TSHZ2: variants seen among roughly 807,000 people sequenced by gnomAD.
TSHZ2 encodes teashirt zinc finger homeobox 2.
Under a neutral mutation model 74.4 loss-of-function variants are expected in TSHZ2, and 21 were observed. The ratio of observed to expected loss-of-function variants is 0.28; its 90% CI spans 0.20 to 0.41. TSHZ2 has a LOEUF of 0.41. Ranked by LOEUF, TSHZ2 falls within the 10% of genes least tolerant of loss-of-function variation. The pLI, the probability that TSHZ2 is intolerant of heterozygous loss-of-function variation, is 1.00. For synonymous variants in TSHZ2, 540 were observed against 515.3 expected, an observed-to-expected ratio of 1.05 and a Z score of -0.65; for missense variants, 1,244 against 1,293.5, an observed-to-expected ratio of 0.96 and a Z score of 0.59.
chr20:53,097,502 C>T (rs914219187), intron 1 of TSHZ2: 2 of 152,144 alleles, frequency 1.3e-5, no homozygotes, highest in Admixed American at 6.5e-5. Context: ...GTTCTATTTC[C>T]AGTTTCAATC....
At position 53,255,914 on chromosome 20, in the gene TSHZ2, T is replaced by C. The variant is rs772771666; in HGVS notation, c.2456T>C (p.Met819Thr). The C allele has an allele frequency of 3.1e-6, 5 of 1,613,980 alleles. No individual in the cohort carries two copies. Among genetic ancestry groups the C allele is most frequent in the Non-Finnish European group, 4.2e-6 (5 of 1,180,012 alleles). The change falls in exon 2 of 3, where the codon ATG (methionine) becomes ACG (threonine). Residue 819 changes from methionine to threonine, a missense_variant. This residue lies in a region of TSHZ2 where 562 missense variants were observed against 544.0 expected (regional missense o/e 1.03). Coordinates refer to ENST00000371497, the MANE Select transcript of TSHZ2 (RefSeq NM_173485.6). The surrounding 1 kb of genome is among the most constrained non-coding windows in gnomAD (Gnocchi z 4.1). The stretch of plus-strand genomic sequence containing the variant: ...GCCTCCTCCTCCAGGGTCCCCCCCA[T>C]GAAGCTGGAAATGGATGTCAGGCGC... ...KPASSSRVPP[M>T]KLEMDVRRFE...
chr20:53,262,435 A>G (rs1021740041), intron 2 of TSHZ2, among the ~76,000 whole-genome samples: 2 of 152,208 alleles, frequency 1.3e-5, no homozygotes, highest in African/African-American at 4.8e-5. Flanking sequence ...GCATTCAGCT[A>G]TAATTTCTCC....
intron 1 of TSHZ2, among the ~76,000 whole-genome samples, chr20:53,122,549 C>T (rs1480443463): frequency 6.6e-6 from 1 of 152,116 alleles, no homozygotes; most frequent in Non-Finnish European, 1.5e-5. Flanking sequence ...AGCCAGGGAT[C>T]TAGAAAGTAC....
intron 1 of TSHZ2, among the ~76,000 whole-genome samples, chr20:53,213,381 C>T (rs1332957549): frequency 6.6e-6 from 1 of 152,192 alleles, no homozygotes; most frequent in Non-Finnish European, 1.5e-5. Flanking sequence ...CCTTCTGCTG[C>T]TGCACCTGGA....
rs527295754 is a variant in TSHZ2 at position 53,199,227 on chromosome 20, G to A, written c.41-54272G>A. Among the ~76,000 whole-genome samples, 3 of 152,356 alleles carry A rather than the reference G, an allele frequency of 2.0e-5. No homozygotes were observed. The South Asian group carries it at 6.2e-4, about 32-fold the overall frequency. ...AAATCAAGACATGTGGCTGGGAGCAGTGGCTTGTTCCTGTAATCCCAGCAC... is the reference window on the plus strand; with the variant it reads ...AAATCAAGACATGTGGCTGGGAGCAATGGCTTGTTCCTGTAATCCCAGCAC... On this transcript the variant is annotated intron_variant, in intron 1 of 2. Coordinates refer to ENST00000371497, the MANE Select transcript of TSHZ2 (RefSeq NM_173485.6).
chr20:53,019,030 T>C (rs980987139), intron 1 of TSHZ2, among the ~76,000 whole-genome samples: 1 of 152,222 alleles, frequency 6.6e-6, no homozygotes, highest in African/African-American at 2.4e-5. Context: ...TCAAGCTTTC[T>C]ACAAATCTAA....
intron 1 of TSHZ2, among the ~76,000 whole-genome samples, chr20:53,015,345 C>A (rs1185608943): frequency 2.0e-5 from 3 of 152,150 alleles, no homozygotes; most frequent in Non-Finnish European, 4.4e-5. Context: ...CCATTTGCAT[C>A]CCAGAGGACA....
At chr20:53,358,517 T>G (rs989996510) in intron 2 of TSHZ2, among the ~76,000 whole-genome samples, 1 of 151,278 alleles carries the variant, frequency 6.6e-6, no homozygotes, top group African/African-American at 2.4e-5. Flanking sequence ...CTTTTTTTTG[T>G]TTTTTTTAGT....
At chr20:53,473,912 G>A (rs112185366) in intron 2 of TSHZ2, among the ~76,000 whole-genome samples, 10,583 of 152,144 alleles carry the variant, frequency 0.07, 415 homozygotes, top group East Asian at 0.17. Flanking sequence ...TATCAGCGAT[G>A]GAAGATGAAA....
At chr20:53,408,246 G>C (rs117808984) in intron 2 of TSHZ2, among the ~76,000 whole-genome samples, 5 of 152,112 alleles carry the variant, frequency 3.3e-5, no homozygotes, top group African/African-American at 4.8e-5. Context: ...TTTGAGGAAG[G>C]GTCCTCCTTC....
chr20:53,124,272 C>G (rs974337627), intron 1 of TSHZ2, among the ~76,000 whole-genome samples: 1 of 152,338 alleles, frequency 6.6e-6, no homozygotes, highest in Non-Finnish European at 1.5e-5. Flanking sequence ...TTTGAACCCC[C>G]CTGCATGTCT....
At chr20:53,335,380 C>G (rs1979904277) in intron 2 of TSHZ2, among the ~76,000 whole-genome samples, 1 of 152,162 alleles carries the variant, frequency 6.6e-6, no homozygotes. Flanking sequence ...TAGGGAAAGG[C>G]TAAATAGACT....
intron 1 of TSHZ2, among the ~76,000 whole-genome samples, chr20:53,245,849 T>C (rs1046935975): frequency 3.3e-5 from 5 of 152,124 alleles, no homozygotes; most frequent in Non-Finnish European, 7.4e-5. Flanking sequence ...AAAGAGCTGA[T>C]AGGAGAGAGA....
chr20:53,322,958 T>G (rs918430616), intron 2 of TSHZ2, among the ~76,000 whole-genome samples: 1 of 152,180 alleles, frequency 6.6e-6, no homozygotes, highest in Non-Finnish European at 1.5e-5. Context: ...TTAGCAGATT[T>G]GCCTCCAGGG....
chr20:53,372,499 GGAAGGAAGGAAA>G (rs1427528135), intron 2 of TSHZ2, among the ~76,000 whole-genome samples: 1 of 151,594 alleles, frequency 6.6e-6, no homozygotes, highest in Admixed American at 6.6e-5. Flanking sequence ...AAGGAAGAAA[GGAAGGAAGGAAA>G]GAAGGAAGGA....
intron 1 of TSHZ2, among the ~76,000 whole-genome samples, chr20:53,072,332 A>G (rs1270288914): frequency 6.6e-6 from 1 of 152,228 alleles, no homozygotes; most frequent in Non-Finnish European, 1.5e-5. Flanking sequence ...GAGTATCTTC[A>G]GGGTATACCA....
intron 2 of TSHZ2, among the ~76,000 whole-genome samples, chr20:53,340,375 G>A (rs1360709724): frequency 1.3e-5 from 2 of 151,752 alleles, no homozygotes; most frequent in Non-Finnish European, 2.9e-5. Flanking sequence ...TAGTAGAGAC[G>A]GGGTTTCACC....
At chr20:53,286,211 G>A (rs757378076) in intron 2 of TSHZ2, among the ~76,000 whole-genome samples, 2 of 152,166 alleles carry the variant, frequency 1.3e-5, no homozygotes, top group South Asian at 2.1e-4. Flanking sequence ...GTTCCTAAGC[G>A]GAGTGAGCGG....
intron 1 of TSHZ2, among the ~76,000 whole-genome samples, chr20:53,099,608 C>T (rs1986157455): frequency 6.6e-6 from 1 of 152,194 alleles, no homozygotes; most frequent in Admixed American, 6.5e-5. Context: ...TTAATGGACT[C>T]ATAGTTCCAC....
Sources: allele counts gnomAD v4.1 joint callset (sites outside exome capture counted in the v4.1 genomes callset), GRCh38; gene constraint gnomAD v4.1.1; regional missense constraint gnomAD v4.1.1; non-coding constraint Gnocchi (gnomAD v3.1); transcripts MANE v1.5; gene names NCBI Gene and HGNC (gene_info 2026-07-23, HGNC 2026-07-21).